The following SGCD variants were observed in gnomAD, a reference collection of about 807,000 sequenced individuals.
SGCD encodes the protein delta-sarcoglycan.
SGCD carries 18 observed loss-of-function variants against 36.6 expected under a neutral mutation model. The observed-to-expected ratio is 0.49, with a 90% CI of 0.34 to 0.73. The LOEUF is 0.73. SGCD is among the 30% of genes least tolerant of loss of function. The pLI is 0.01. For synonymous variants in SGCD, 133 were observed against 130.6 expected, an observed-to-expected ratio of 1.02 and a Z score of -0.12; for missense variants, 387 against 346.7, an observed-to-expected ratio of 1.12 and a Z score of -0.92.
chr5:156,687,572 T>C (rs955834361), intron 7 of SGCD, among the ~76,000 whole-genome samples: 1 of 152,180 alleles, frequency 6.6e-6, no homozygotes, highest in Non-Finnish European at 1.5e-5. Context: ...GTTACTGTTA[T>C]CAAAGCCGCA....
chr5:156,238,107 G>A (rs930298811), intron 3 of SGCD, among the ~76,000 whole-genome samples: 2 of 151,914 alleles, frequency 1.3e-5, no homozygotes, highest in African/African-American at 2.4e-5. Flanking sequence ...CACCACACCA[G>A]GCTAATTTCT....
intron 3 of SGCD, among the ~76,000 whole-genome samples, chr5:156,283,679 C>G (rs1245966247): frequency 1.3e-5 from 2 of 152,124 alleles, no homozygotes; most frequent in African/African-American, 4.8e-5. Context: ...GAGTATGTAC[C>G]AAAATCACCT....
intron 1 of SGCD, among the ~76,000 whole-genome samples, chr5:156,028,565 G>T (rs1759272657): frequency 1.3e-5 from 2 of 152,058 alleles, no homozygotes; most frequent in Admixed American, 1.3e-4. Context: ...TGAAAACTCT[G>T]CATGGTATAT....
At chr5:156,236,140 C>A (rs1044235447) in intron 3 of SGCD, among the ~76,000 whole-genome samples, 2 of 152,144 alleles carry the variant, frequency 1.3e-5, no homozygotes, top group Admixed American at 6.5e-5. Context: ...CCCATTCTAT[C>A]AGACATTAAC....
chr5:155,786,412 G>C, the SGCD span, among the ~76,000 whole-genome samples: 2 of 152,060 alleles, frequency 1.3e-5, no homozygotes, highest in African/African-American at 2.4e-5. Flanking sequence ...AAACATCCTG[G>C]GCAGACTTGG....
chr5:155,812,074 A>C, the SGCD span, among the ~76,000 whole-genome samples: 1 of 152,248 alleles, frequency 6.6e-6, no homozygotes. Flanking sequence ...AGCTGGTTAC[A>C]AACAATCCAT....
Position 156,589,216 on chromosome 5 carries a change from A to G in SGCD, c.295-15A>G, listed in dbSNP as rs750849215. 2 of 1,509,902 alleles carry G rather than the reference A, an allele frequency of 1.3e-6. No homozygotes were observed. The highest frequency in any genetic ancestry group is 4.8e-5 in the East Asian group (2 of 41,884). The allele number at this position is 1,509,902 out of a possible 1,614,324, so 93.5% of individuals were successfully genotyped here. A position where few individuals can be genotyped will look rare whatever the true frequency, so the allele number is the denominator to read the frequency against. ...TCTATCATTTTCATGTCTTTCTCTT[A>G]TTTTCTTATTGCAGGGTAATGCCCT... On this transcript the variant is annotated splice_polypyrimidine_tract_variant and intron_variant, in intron 4 of 8. Transcript: ENST00000337851.
intron 1 of SGCD, among the ~76,000 whole-genome samples, chr5:156,040,171 G>A (rs1467226890): frequency 6.6e-6 from 1 of 152,120 alleles, no homozygotes; most frequent in East Asian, 1.9e-4. Flanking sequence ...CATCATCATT[G>A]GTGCTTCACC....
upstream of SGCD, among the ~76,000 whole-genome samples, chr5:156,324,329 T>G (rs1201675141): frequency 6.6e-6 from 1 of 152,212 alleles, no homozygotes; most frequent in African/African-American, 2.4e-5. Context: ...CAAGTTAACA[T>G]GTACCTGTAA....
At chr5:156,287,998 T>C (rs560509715) in intron 3 of SGCD, among the ~76,000 whole-genome samples, 1 of 152,198 alleles carries the variant, frequency 6.6e-6, no homozygotes, top group African/African-American at 2.4e-5. Flanking sequence ...TGCAGTCATA[T>C]GCAGTTCAGT....
intron 1 of SGCD, among the ~76,000 whole-genome samples, chr5:156,087,119 C>T (rs1189668190): frequency 6.6e-6 from 1 of 152,176 alleles, no homozygotes; most frequent in East Asian, 1.9e-4. Context: ...TATGCCTATT[C>T]CTGCAATTAT....
chr5:156,206,405 ATAGAG>A (rs1253164524), intron 3 of SGCD, among the ~76,000 whole-genome samples: 1 of 152,038 alleles, frequency 6.6e-6, no homozygotes, highest in African/African-American at 2.4e-5. Flanking sequence ...ATGAATATAT[ATAGAG>A]TATTCTTAGG....
At chr5:156,233,312 C>T (rs981945399) in intron 3 of SGCD, among the ~76,000 whole-genome samples, 2 of 152,288 alleles carry the variant, frequency 1.3e-5, no homozygotes, top group South Asian at 2.1e-4. Flanking sequence ...ATGTTATATT[C>T]GAAAGCTGCT....
At chr5:156,518,292 C>T (rs1757265327) in intron 4 of SGCD, among the ~76,000 whole-genome samples, 1 of 152,152 alleles carries the variant, frequency 6.6e-6, no homozygotes. Context: ...AGCTAACTAT[C>T]CTAAATATAT....
chr5:155,812,334 C>G, the SGCD span, among the ~76,000 whole-genome samples: 2 of 152,222 alleles, frequency 1.3e-5, no homozygotes, highest in Non-Finnish European at 2.9e-5. Flanking sequence ...ACCTCCCTGA[C>G]TGCACGTCCA....
intron 7 of SGCD, among the ~76,000 whole-genome samples, chr5:156,669,021 A>G (rs1753178108): frequency 6.6e-6 from 1 of 152,154 alleles, no homozygotes; most frequent in Non-Finnish European, 1.5e-5. Context: ...TCCTAGAGGA[A>G]GGGTGAATGG....
intron 4 of SGCD, among the ~76,000 whole-genome samples, chr5:156,586,554 A>G (rs532660817): frequency 2.2e-4 from 34 of 152,292 alleles, no homozygotes; most frequent in Non-Finnish European, 4.4e-4. Context: ...CTGTCTGGGT[A>G]GATTTGACTA....
chr5:156,292,425 G>A (rs566410173), intron 3 of SGCD, among the ~76,000 whole-genome samples: 38 of 152,204 alleles, frequency 2.5e-4, no homozygotes, highest in African/African-American at 8.9e-4. Context: ...GTTTATTCAA[G>A]TTGTAGCATA....
chr5:155,932,699 T>C (rs1233746310), intron 1 of SGCD, among the ~76,000 whole-genome samples: 6 of 152,202 alleles, frequency 3.9e-5, no homozygotes, highest in African/African-American at 1.4e-4. Context: ...GTAAAATGTT[T>C]TAATTCCCCT....
Sources: allele counts gnomAD v4.1 joint callset (sites outside exome capture counted in the v4.1 genomes callset), GRCh38; gene constraint gnomAD v4.1.1; transcripts MANE v1.5; gene names NCBI Gene and HGNC (gene_info 2026-07-23, HGNC 2026-07-21).